The following YEATS2 variants were observed in gnomAD, a reference collection of about 807,000 sequenced individuals.
YEATS2 encodes YEATS domain containing 2, also known as YEATS domain-containing protein 2.
A neutral mutation model predicts 163.2 loss-of-function variants in YEATS2; 77 were observed. The observed-to-expected ratio is 0.47, with a 90% CI of 0.39 to 0.57. YEATS2 has a LOEUF of 0.57. Among genes scored for constraint, YEATS2 ranks in the 20% least tolerant of loss-of-function variants. YEATS2 has a pLI of 0.00. For synonymous variants in YEATS2, 631 were observed against 645.1 expected (o/e 0.98, Z 0.33); for missense variants, 1,549 against 1,729.8 (o/e 0.90, Z 1.85).
chr3:183,728,714 A>G lies in YEATS2; in HGVS notation c.675A>G (p.Glu225=), dbSNP rs549637828. The G allele has an allele frequency of 1.2e-5, 19 of 1,611,510 alleles. No homozygotes were observed. Among genetic ancestry groups the G allele is most frequent in the Non-Finnish European group, 1.6e-5 (19 of 1,179,268 alleles). ...VSKYIPPDKR[E]ENDQSTHKWM... is the part of the protein sequence containing the mutation. ...GGTATATACCTCCGGATAAGAGGGA[A>G]GAAAATGACCAGTCAACTCATAAGT... Residue 225 remains glutamate (E), a synonymous_variant, in exon 7 of 31, where the codon GAA becomes GAG. Transcript: ENST00000305135.
chr3:183,762,173 A>G lies in YEATS2; in HGVS notation c.1841A>G (p.Gln614Arg). The change falls in exon 15 of 31, where the codon CAG becomes CGG. Residue 614 changes from glutamine to arginine, a missense_variant. Coordinates refer to ENST00000305135, the MANE Select transcript of YEATS2 (RefSeq NM_018023.5). Reference protein sequence around the residue: ...TGAASQSPLPQYVTVKGGHMI... With the variant: ...TGAASQSPLPRYVTVKGGHMI... ...GCTGCCAGCCAGTCACCACTCCCGC[A>G]GTATGTGACTGTGAAAGGGGGTCAC... is the stretch of plus-strand genomic sequence containing the variant. 6.2e-7 allele frequency: 1 copy of G among 1,614,176 alleles called. No individual in the cohort carries two copies.
At chr3:183,731,295 C>T (rs1450909080) in intron 7 of YEATS2, among the ~76,000 whole-genome samples, 1 of 67,578 alleles carries the variant, frequency 1.5e-5, no homozygotes, top group Admixed American at 1.9e-4. Flanking sequence ...GAGAGTCTGT[C>T]TCAAAAAAAA....
intron 30 of YEATS2, 187 bp from the exon 31 acceptor site, chr3:183,810,288 A>G (rs1481104815): frequency 2.6e-5 from 14 of 545,518 alleles, no homozygotes; most frequent in Non-Finnish European, 4.0e-5. Flanking sequence ...ACTTGTTGAC[A>G]TCCTTCTCAT....
At chr3:183,794,661 A>G (rs1281766964) in intron 21 of YEATS2, among the ~76,000 whole-genome samples, 1 of 152,246 alleles carries the variant, frequency 6.6e-6, no homozygotes, top group Non-Finnish European at 1.5e-5. Context: ...ACTGCCCAGC[A>G]TCACGAGAGA....
chr3:183,736,044 A>G (rs1281500725), intron 7 of YEATS2, among the ~76,000 whole-genome samples: 1 of 152,176 alleles, frequency 6.6e-6, no homozygotes, highest in Non-Finnish European at 1.5e-5. Flanking sequence ...AAAGAACATA[A>G]TGAACCCTCA....
chr3:183,698,029 G>A (rs909055902), intron 1 of YEATS2, 36 bp downstream of exon 1: 3 of 151,998 alleles, frequency 2.0e-5, no homozygotes, highest in Admixed American at 1.3e-4. Context: ...GACCGGCCGG[G>A]AGCGCGCCCC....
intron 8 of YEATS2, among the ~76,000 whole-genome samples, chr3:183,738,252 G>A (rs1718557464): frequency 6.6e-6 from 1 of 152,110 alleles, no homozygotes; most frequent in Non-Finnish European, 1.5e-5. Context: ...GAAGTAGAAG[G>A]AAGAGTCACA....
chr3:183,786,267 C>T lies in YEATS2; in HGVS notation c.2879C>T (p.Ala960Val), dbSNP rs761660724. Reference protein sequence around the residue: ...GGVITTATSPAVALSANGPAQ... With the variant: ...GGVITTATSPVVALSANGPAQ... ...GTTATCACAACTGCCACTTCCCCTG[C>T]CGTGGCCCTCTCAGCAAACGGTCCT... Residue 960 changes from alanine to valine, a missense_variant, in exon 20 of 31, where the codon GCC becomes GTC. Physicochemically the swap from Ala to Val is moderately conservative, Grantham distance 64 (BLOSUM62 0). Transcript: ENST00000305135. The T allele has an allele frequency of 1.2e-6, 2 of 1,613,858 alleles. No homozygotes were observed. Among genetic ancestry groups the T allele is most frequent in the South Asian group, 2.2e-5 (2 of 91,070 alleles).
At chr3:183,708,958 G>A (rs1331328751) in intron 1 of YEATS2, among the ~76,000 whole-genome samples, 1 of 151,824 alleles carries the variant, frequency 6.6e-6, no homozygotes, top group Non-Finnish European at 1.5e-5. Flanking sequence ...TCAGAGATTC[G>A]AGACCAGCCT....
At chr3:183,726,547 G>C (rs1340045307) in intron 6 of YEATS2, among the ~76,000 whole-genome samples, 1 of 152,112 alleles carries the variant, frequency 6.6e-6, no homozygotes, top group Non-Finnish European at 1.5e-5. Flanking sequence ...ATTTGGCCAA[G>C]ATGTAAATAG....
At chr3:183,809,312 T>C in intron 30 of YEATS2, 142 bp downstream of exon 30, 1 of 791,988 alleles carries the variant, frequency 1.3e-6, no homozygotes, top group East Asian at 2.5e-5. Context: ...CCAGATGAGC[T>C]CAAGGGTCTG....
chr3:183,760,841 T>C (rs1207369348), intron 13 of YEATS2, among the ~76,000 whole-genome samples: 1 of 152,200 alleles, frequency 6.6e-6, no homozygotes. Context: ...TTTATTTATT[T>C]AGTGCCTAGG....
At chr3:183,701,051 ATGTGTGTG>A (rs141939254) in intron 1 of YEATS2, among the ~76,000 whole-genome samples, 1 of 147,424 alleles carries the variant, frequency 6.8e-6, no homozygotes, top group East Asian at 2.0e-4. Context: ...GTATATATAT[ATGTGTGTG>A]TGTGTGTGTG....
intron 20 of YEATS2, among the ~76,000 whole-genome samples, chr3:183,788,093 C>G (rs552032730): frequency 6.6e-6 from 1 of 152,042 alleles, no homozygotes; most frequent in African/African-American, 2.4e-5. Flanking sequence ...GCATACAATG[C>G]GTAATAATCG....
intron 6 of YEATS2, among the ~76,000 whole-genome samples, 162 bp downstream of exon 6, chr3:183,724,693 A>G (rs1157101684): frequency 6.6e-6 from 1 of 152,188 alleles, no homozygotes; most frequent in African/African-American, 2.4e-5. Context: ...TATTAGGGTA[A>G]TTTTGCTCCT....
In YEATS2 at chr3:183,736,938, A is replaced by G. The variant is rs773387391; in HGVS notation, c.924+109A>G. On this transcript the variant is annotated intron_variant, in intron 8 of 30. Coordinates refer to ENST00000305135, the MANE Select transcript of YEATS2 (RefSeq NM_018023.5). The stretch of plus-strand genomic sequence containing the variant: ...GACCCCCTCGCATTAAAAAATTCAC[A>G]TACAACTTTCGACTCCCCCAAAACT... 8.0e-5 allele frequency: 77 copies of G among 961,182 alleles called. No homozygotes were observed. The Middle Eastern group carries it at 1.3e-3, about 17-fold the overall frequency. 59.5% of individuals were successfully genotyped at this position (961,182 alleles called of 1,614,324 possible).
intron 9 of YEATS2, among the ~76,000 whole-genome samples, chr3:183,749,460 G>A (rs373152611): frequency 1.3e-4 from 20 of 151,998 alleles, no homozygotes; most frequent in Middle Eastern, 3.4e-3. Context: ...CCCCAGCACT[G>A]GCAACTGCTG....
intron 17 of YEATS2, among the ~76,000 whole-genome samples, chr3:183,774,039 G>A (rs1320978594): frequency 1.3e-5 from 2 of 152,180 alleles, no homozygotes; most frequent in African/African-American, 4.8e-5. Context: ...TGAGGCTGTT[G>A]GGAGAAAGCT....
chr3:183,756,985 TGGGG>T (rs1720839276), intron 12 of YEATS2, among the ~76,000 whole-genome samples: 1 of 152,198 alleles, frequency 6.6e-6, no homozygotes, highest in Admixed American at 6.5e-5. Context: ...ACTTACGCTT[TGGGG>T]GACTGTAAGC....
Sources: allele counts gnomAD v4.1 joint callset (sites outside exome capture counted in the v4.1 genomes callset), GRCh38; gene constraint gnomAD v4.1.1; transcripts MANE v1.5; gene names NCBI Gene and HGNC (gene_info 2026-07-23, HGNC 2026-07-21).